Variants in RASAL2 observed in about 807,000 individuals in gnomAD.
RASAL2 encodes ras GTPase-activating protein nGAP.
Under a neutral mutation model 128.9 loss-of-function variants are expected in RASAL2, and 58 were observed. The observed-to-expected ratio is 0.45, with a 90% CI of 0.36 to 0.56. RASAL2 has a LOEUF of 0.56. RASAL2 is among the 20% of genes least tolerant of loss of function. The pLI, the probability that RASAL2 is intolerant of heterozygous loss-of-function variation, is 0.00. For missense variants in RASAL2, 1,360 were observed against 1,601.6 expected, an observed-to-expected ratio of 0.85 and a Z score of 2.57; for synonymous variants, 561 against 580.8, an observed-to-expected ratio of 0.97 and a Z score of 0.49.
chr1:178,159,846 A>G (rs1286059958), intron 1 of RASAL2, among the ~76,000 whole-genome samples: 1 of 151,882 alleles, frequency 6.6e-6, no homozygotes, highest in Non-Finnish European at 1.5e-5. Context: ...CGGAGGTTGC[A>G]GTGAGTCGAG....
intron 11 of RASAL2, among the ~76,000 whole-genome samples, 173 bp from the exon 12 acceptor site, chr1:178,454,274 T>G (rs1021793004): frequency 1.3e-5 from 2 of 151,712 alleles, no homozygotes; most frequent in Non-Finnish European, 2.9e-5. Flanking sequence ...CATTAGAATA[T>G]TAAAGTGATA....
chr1:178,232,858 G>A (rs976201279), intron 1 of RASAL2, among the ~76,000 whole-genome samples: 3 of 152,080 alleles, frequency 2.0e-5, no homozygotes, highest in African/African-American at 7.2e-5. Context: ...TTCACAATCT[G>A]TTTTTAACTC....
intron 1 of RASAL2, among the ~76,000 whole-genome samples, chr1:178,161,852 A>C (rs957873330): frequency 3.3e-5 from 5 of 151,866 alleles, no homozygotes; most frequent in African/African-American, 9.7e-5. Flanking sequence ...GTATCTTTTC[A>C]TGTGTTTGAG....
At chr1:178,219,413 T>C (rs1314929331) in intron 1 of RASAL2, among the ~76,000 whole-genome samples, 4 of 152,044 alleles carry the variant, frequency 2.6e-5, no homozygotes, top group Non-Finnish European at 4.4e-5. Flanking sequence ...TTTGGGAGGC[T>C]GAGGCTGGTG....
intron 1 of RASAL2, among the ~76,000 whole-genome samples, chr1:178,211,054 G>A (rs998434526): frequency 2.6e-5 from 4 of 152,158 alleles, no homozygotes; most frequent in African/African-American, 9.7e-5. Context: ...TGTCAAGCCT[G>A]GTCTCTGACT....
chr1:178,325,162 CAT>C (rs1668979644), intron 3 of RASAL2, among the ~76,000 whole-genome samples: 1 of 152,150 alleles, frequency 6.6e-6, no homozygotes, highest in Admixed American at 6.5e-5. Flanking sequence ...CTCCTTACAA[CAT>C]TCCTATTTTG....
chr1:178,312,140 G>A (rs1668285350), intron 3 of RASAL2, among the ~76,000 whole-genome samples: 1 of 152,094 alleles, frequency 6.6e-6, no homozygotes, highest in African/African-American at 2.4e-5. Context: ...GGGAAAGAAA[G>A]GGAGCAAAAC....
At chr1:178,262,794 C>CT (rs1665759593) in intron 1 of RASAL2, among the ~76,000 whole-genome samples, 1 of 144,274 alleles carries the variant, frequency 6.9e-6, no homozygotes, top group African/African-American at 2.6e-5. Flanking sequence ...GCCCCCCACT[C>CT]ATTTTTTTTT....
chr1:178,263,823 G>C (rs1255779477), intron 1 of RASAL2, among the ~76,000 whole-genome samples: 1 of 152,124 alleles, frequency 6.6e-6, no homozygotes, highest in Non-Finnish European at 1.5e-5. Context: ...CTGAATAGTT[G>C]GGATTACAGG....
At chr1:178,257,930 G>A (rs1241974336) in intron 1 of RASAL2, among the ~76,000 whole-genome samples, 1 of 149,748 alleles carries the variant, frequency 6.7e-6, no homozygotes, top group Non-Finnish European at 1.5e-5. Flanking sequence ...GACATCAAAA[G>A]CATGAAGAAC....
intron 2 of RASAL2, among the ~76,000 whole-genome samples, chr1:178,285,516 T>C (rs1011114664): frequency 6.6e-6 from 1 of 152,236 alleles, no homozygotes; most frequent in Non-Finnish European, 1.5e-5. Flanking sequence ...ACTTTTGTTA[T>C]CATCTCCCTA....
At chr1:178,368,462 A>G (rs144507428) in intron 3 of RASAL2, among the ~76,000 whole-genome samples, 281 of 152,260 alleles carry the variant, frequency 1.8e-3, no homozygotes, top group Non-Finnish European at 3.2e-3. Flanking sequence ...ATGCCCTCAA[A>G]TAGGAACTCT....
At chr1:178,111,983 C>T (rs1292684441) in intron 1 of RASAL2, among the ~76,000 whole-genome samples, 2 of 152,166 alleles carry the variant, frequency 1.3e-5, no homozygotes, top group African/African-American at 4.8e-5. Context: ...CCTGCCTCCA[C>T]CTCCCAAAGT....
intron 1 of RASAL2, among the ~76,000 whole-genome samples, chr1:178,222,863 C>G (rs1376095325): frequency 6.6e-6 from 1 of 152,098 alleles, no homozygotes; most frequent in Non-Finnish European, 1.5e-5. Context: ...AGTAGTATTT[C>G]TTGCCTTCTC....
intron 3 of RASAL2, among the ~76,000 whole-genome samples, chr1:178,360,765 G>C (rs1453073246): frequency 6.6e-6 from 1 of 152,224 alleles, no homozygotes; most frequent in Non-Finnish European, 1.5e-5. Flanking sequence ...TGAGGGCTGT[G>C]AGAACGAATC....
intron 1 of RASAL2, among the ~76,000 whole-genome samples, chr1:178,146,151 A>G (rs1335094871): frequency 6.6e-6 from 1 of 152,236 alleles, no homozygotes; most frequent in Non-Finnish European, 1.5e-5. Flanking sequence ...GGTGTCTTTT[A>G]TAAATTCCTG....
At chr1:178,156,477 TATA>T in intron 1 of RASAL2, among the ~76,000 whole-genome samples, 1 of 152,320 alleles carries the variant, frequency 6.6e-6, no homozygotes, top group Middle Eastern at 3.4e-3. Flanking sequence ...CACTGGTTGT[TATA>T]ATAGTAAGTT....
chr1:178,279,312 C>T (rs971513513), intron 1 of RASAL2, among the ~76,000 whole-genome samples: 2 of 152,266 alleles, frequency 1.3e-5, no homozygotes, highest in Admixed American at 1.3e-4. Context: ...CCACAAACAA[C>T]TAGAAAGTTA....
At chr1:178,436,632 C>T (rs1332986220) in intron 5 of RASAL2, among the ~76,000 whole-genome samples, 1 of 152,046 alleles carries the variant, frequency 6.6e-6, no homozygotes, top group Admixed American at 6.6e-5. Flanking sequence ...TTTGTACTTG[C>T]AAGGTGAGAT....
Sources: gnomAD v4.1 joint callset for allele counts (sites outside exome capture counted in the v4.1 genomes callset) on GRCh38, gnomAD v4.1.1 for gene constraint, MANE v1.5 for transcripts, NCBI Gene and HGNC (gene_info 2026-07-23, HGNC 2026-07-21) for gene names.